WDR7: variants seen among roughly 807,000 people sequenced by gnomAD.
WDR7 encodes the protein WD repeat domain 7, also known as WD repeat-containing protein 7.
In WDR7, 46 loss-of-function variants were observed where a neutral mutation model predicts 169.4. The ratio of observed to expected loss-of-function variants is 0.27; its 90% confidence interval spans 0.21 to 0.35. The LOEUF (loss-of-function observed/expected upper bound fraction) is 0.35, where lower values mean the gene tolerates loss of function less well. WDR7 is among the 10% of genes least tolerant of loss of function. The pLI is 1.00. For synonymous variants in WDR7, 612 were observed against 666.8 expected (o/e 0.92, Z 1.27); for missense variants, 1,534 against 1,859.3 (o/e 0.83, Z 3.22).
rs1301285531 is a variant in WDR7, at chr18:56,943,961, G to T, written c.4064+4568G>T. ...TCACCTTCACCAGTGGGCTTGTAGG[G>T]TTTTTTTGTATGTTTTGTGGGTTTT... On this transcript the variant is annotated intron_variant, in intron 25 of 27. Transcript: ENST00000254442. Among the ~76,000 whole-genome samples the T allele has an allele frequency of 4.4e-5, 6 of 137,656 alleles. No individual in the cohort carries two copies. In the East Asian group the frequency reaches 1.1e-3, roughly 25 times the overall value. 90.3% of individuals were successfully genotyped at this position (137,656 alleles called of 152,430 possible).
chr18:56,948,697 A>G (rs8084535), intron 25 of WDR7, among the ~76,000 whole-genome samples: 18,314 of 152,246 alleles, frequency 0.12, 3,522 homozygotes, highest in African/African-American at 0.41. Context: ...CATTTTAAAA[A>G]CAGGCAAACT....
At chr18:56,781,808 T>G (rs1185356505) in intron 19 of WDR7, 152 bp downstream of exon 19, 1 of 897,078 alleles carries the variant, frequency 1.1e-6, no homozygotes, top group East Asian at 3.3e-5. Flanking sequence ...TTTATTATTT[T>G]CTGAATCTCT....
chr18:56,985,019 C>T (rs987774591), intron 26 of WDR7, among the ~76,000 whole-genome samples: 6 of 152,134 alleles, frequency 3.9e-5, no homozygotes, highest in Non-Finnish European at 7.4e-5. Flanking sequence ...TGATTTTTCA[C>T]ACCATCTCCA....
chr18:57,000,556 G>T (rs2047961701), intron 26 of WDR7, among the ~76,000 whole-genome samples: 1 of 152,136 alleles, frequency 6.6e-6, no homozygotes, highest in Non-Finnish European at 1.5e-5. Context: ...TTTTGGAAGA[G>T]AATTTGCTCA....
At chr18:56,832,205 G>C (rs1364516576) in intron 20 of WDR7, among the ~76,000 whole-genome samples, 1 of 152,174 alleles carries the variant, frequency 6.6e-6, no homozygotes, top group Non-Finnish European at 1.5e-5. Context: ...TTCCTCTCAC[G>C]GTGTAAACAA....
intron 26 of WDR7, among the ~76,000 whole-genome samples, chr18:57,006,547 A>G (rs2048060755): frequency 6.6e-6 from 1 of 152,206 alleles, no homozygotes; most frequent in African/African-American, 2.4e-5. Context: ...TAAAGATACA[A>G]AGGTTTAAGC....
At chr18:56,795,283 G>A (rs368197162) in intron 19 of WDR7, among the ~76,000 whole-genome samples, 5 of 152,114 alleles carry the variant, frequency 3.3e-5, no homozygotes, top group East Asian at 1.9e-4. Flanking sequence ...TGCCCACCTC[G>A]TTTCCTGACT....
chr18:56,994,863 A>G (rs1657423), intron 26 of WDR7, among the ~76,000 whole-genome samples: 34,045 of 152,208 alleles, frequency 0.22, 4,240 homozygotes, highest in Middle Eastern at 0.35. Context: ...AGAGGATTTT[A>G]CAAACTCACC....
intron 25 of WDR7, among the ~76,000 whole-genome samples, chr18:56,947,326 T>C (rs963639630): frequency 6.6e-6 from 1 of 152,222 alleles, no homozygotes; most frequent in African/African-American, 2.4e-5. Context: ...GGGCCTTGGC[T>C]TTGCCTTCAT....
chr18:56,687,642 A>G (rs2025469815), intron 7 of WDR7, among the ~76,000 whole-genome samples: 1 of 152,090 alleles, frequency 6.6e-6, no homozygotes, highest in South Asian at 2.1e-4. Context: ...TTGTTTTTTT[A>G]AAGAGATGTG....
intron 26 of WDR7, among the ~76,000 whole-genome samples, chr18:56,999,038 G>A (rs1349352434): frequency 6.6e-6 from 1 of 152,160 alleles, no homozygotes; most frequent in Non-Finnish European, 1.5e-5. Context: ...TCCAATGTCT[G>A]GGGATGTCCT....
intron 7 of WDR7, among the ~76,000 whole-genome samples, chr18:56,687,239 G>A (rs2025461216): frequency 6.6e-6 from 1 of 152,112 alleles, no homozygotes. Flanking sequence ...TTTAGTCACT[G>A]TCTTATCAGT....
At chr18:56,777,667 C>A (rs567698051) in intron 17 of WDR7, among the ~76,000 whole-genome samples, 47 of 152,146 alleles carry the variant, frequency 3.1e-4, no homozygotes, top group African/African-American at 1.1e-3. Flanking sequence ...TTTTCAAAAT[C>A]AAAAATATAA....
chr18:56,927,788 GAAC>G (rs1335282969), intron 22 of WDR7, among the ~76,000 whole-genome samples: 2 of 152,086 alleles, frequency 1.3e-5, no homozygotes, highest in Non-Finnish European at 2.9e-5. Flanking sequence ...TATGTGAAAA[GAAC>G]AACATTAGGT....
chr18:56,789,743 C>T (rs191575204), intron 19 of WDR7, among the ~76,000 whole-genome samples: 5 of 152,348 alleles, frequency 3.3e-5, no homozygotes, highest in Admixed American at 2.6e-4. Flanking sequence ...TTTATACCTT[C>T]AGTGCAGAAA....
chr18:56,656,007 T>C lies in WDR7; in HGVS notation c.-20+4431T>C, dbSNP rs577125617. On this transcript the variant is annotated intron_variant, in intron 1 of 27. Coordinates refer to ENST00000254442, the MANE Select transcript of WDR7 (RefSeq NM_015285.3). Reference sequence around the variant, plus strand: ...ACCATTCACCTGCATATCTGGGCTGTTTTTAATTTTTGGCTGTTACAGATA... The same window carrying C: ...ACCATTCACCTGCATATCTGGGCTGCTTTTAATTTTTGGCTGTTACAGATA... Among the ~76,000 whole-genome samples the C allele has an allele frequency of 2.0e-5, 3 of 152,340 alleles. No homozygotes were observed. In the East Asian group the frequency reaches 5.8e-4, roughly 29 times the overall value.
At chr18:56,731,292 C>T in intron 13 of WDR7, 91 bp from the exon 14 acceptor site, 4 of 1,430,612 alleles carry the variant, frequency 2.8e-6, no homozygotes, top group Non-Finnish European at 3.7e-6. Flanking sequence ...CATGTTTCTA[C>T]TTAAAAAATT....
At chr18:56,670,380 C>T in intron 1 of WDR7, among the ~76,000 whole-genome samples, 1 of 152,100 alleles carries the variant, frequency 6.6e-6, no homozygotes, top group East Asian at 1.9e-4. Context: ...CTCTTTAAGC[C>T]AGGCAGTATG....
At chr18:56,683,932 CA>C (rs1361163886) in intron 5 of WDR7, among the ~76,000 whole-genome samples, 2 of 152,210 alleles carry the variant, frequency 1.3e-5, no homozygotes, top group Non-Finnish European at 2.9e-5. Flanking sequence ...TTAAGGGAGT[CA>C]AATTCTAGTA....
Sources: allele counts gnomAD v4.1 joint callset (sites outside exome capture counted in the v4.1 genomes callset), GRCh38; gene constraint gnomAD v4.1.1; transcripts MANE v1.5; gene names NCBI Gene and HGNC (gene_info 2026-07-23, HGNC 2026-07-21).